SEMA6D: variants seen among roughly 807,000 people sequenced by gnomAD.
SEMA6D encodes the protein semaphorin 6D, also known as semaphorin-6D.
SEMA6D carries 35 observed loss-of-function variants against 106.6 expected under a neutral mutation model. That is an observed-to-expected ratio of 0.33 (90% CI 0.25 to 0.44). The LOEUF is 0.44. Among genes scored for constraint, SEMA6D ranks in the 20% least tolerant of loss-of-function variants. The pLI is 1.00. For synonymous variants in SEMA6D, 499 were observed against 487.7 expected, an observed-to-expected ratio of 1.02 and a Z score of -0.31; for missense variants, 1,185 against 1,345.9, an observed-to-expected ratio of 0.88 and a Z score of 1.87.
At chr15:47,256,592 G>A (rs1721374239) in intron 1 of SEMA6D, among the ~76,000 whole-genome samples, 1 of 152,184 alleles carries the variant, frequency 6.6e-6, no homozygotes, top group African/African-American at 2.4e-5. Flanking sequence ...CAGGTGTGGT[G>A]GCTCACACCT....
At chr15:47,661,492 G>A (rs1230594664) in intron 4 of SEMA6D, among the ~76,000 whole-genome samples, 1 of 152,214 alleles carries the variant, frequency 6.6e-6, no homozygotes, top group Non-Finnish European at 1.5e-5. Context: ...GTGAAGCTAT[G>A]GAAACTGCAT....
intron 1 of SEMA6D, among the ~76,000 whole-genome samples, chr15:47,740,925 C>G (rs561533527): frequency 1.3e-5 from 2 of 152,164 alleles, no homozygotes; most frequent in Non-Finnish European, 2.9e-5. Context: ...GAGGCAGGAT[C>G]CTTGCTAGCT....
chr15:47,639,234 A>G (rs2077447446), intron 4 of SEMA6D, among the ~76,000 whole-genome samples: 1 of 152,222 alleles, frequency 6.6e-6, no homozygotes, highest in Admixed American at 6.5e-5. Context: ...AAGTAAGGAA[A>G]TGCTCTAAAG....
At chr15:47,381,594 A>G (rs935296098) in intron 1 of SEMA6D, among the ~76,000 whole-genome samples, 3 of 152,168 alleles carry the variant, frequency 2.0e-5, no homozygotes, top group Non-Finnish European at 4.4e-5. Context: ...TAAAATTTCA[A>G]GATGGTCTAT....
intron 1 of SEMA6D, among the ~76,000 whole-genome samples, chr15:47,392,139 A>G (rs1486928696): frequency 6.6e-6 from 1 of 152,124 alleles, no homozygotes; most frequent in Admixed American, 6.5e-5. Flanking sequence ...TCCTCATCTG[A>G]AACATAGGGC....
chr15:47,402,878 A>G (rs2040442591), intron 1 of SEMA6D, among the ~76,000 whole-genome samples: 2 of 152,104 alleles, frequency 1.3e-5, no homozygotes, highest in Admixed American at 1.3e-4. Context: ...ACAAGCCAAC[A>G]ATTCCTGGGA....
At chr15:47,556,360 C>T (rs146442238) in intron 3 of SEMA6D, among the ~76,000 whole-genome samples, 1 of 152,004 alleles carries the variant, frequency 6.6e-6, no homozygotes, top group Non-Finnish European at 1.5e-5. Context: ...TCTGCTTTTT[C>T]CACTTAACAT....
intron 3 of SEMA6D, among the ~76,000 whole-genome samples, chr15:47,504,985 A>C (rs1275627792): frequency 6.6e-6 from 1 of 152,136 alleles, no homozygotes; most frequent in Admixed American, 6.5e-5. Flanking sequence ...CATTCCTGTC[A>C]TCTGAGCCTG....
At position 47,771,875 on chromosome 15, in the gene SEMA6D, C is replaced by T. The variant is rs1463660250; in HGVS notation, c.*90C>T. ...AGGGTACCTTAAAACAAGAGACTCG[C>T]TTGTATTTTAAGAGAACCAAGTGGC... On this transcript the variant is annotated 3_prime_UTR_variant, in exon 19 of 19. Coordinates refer to ENST00000536845, the MANE Select transcript of SEMA6D (RefSeq NM_001358351.3). The T allele has an allele frequency of 1.4e-5, 19 of 1,339,936 alleles. No homozygotes were observed. Among genetic ancestry groups the T allele is most frequent in the Non-Finnish European group, 1.9e-5 (19 of 974,740 alleles). The allele number at this position is 1,339,936 out of a possible 1,614,324, so 83.0% of individuals were successfully genotyped here.
chr15:47,290,495 AAAT>A (rs1371882390), intron 1 of SEMA6D, among the ~76,000 whole-genome samples: 1 of 152,142 alleles, frequency 6.6e-6, no homozygotes, highest in Non-Finnish European at 1.5e-5. Context: ...TTTTTTAATA[AAAT>A]AATAATCATT....
At chr15:47,768,899 G>T in intron 18 of SEMA6D, 151 bp downstream of exon 18, 2 of 640,672 alleles carry the variant, frequency 3.1e-6, no homozygotes, top group Admixed American at 2.9e-5. Flanking sequence ...CTGGCTTTCT[G>T]TGGTTATATC....
chr15:47,406,761 T>C (rs1384169487), intron 1 of SEMA6D, among the ~76,000 whole-genome samples: 1 of 141,930 alleles, frequency 7.0e-6, no homozygotes, highest in African/African-American at 2.6e-5. Context: ...GGAGTAGATC[T>C]CAAGTGTTCT....
chr15:47,765,174 TG>T (rs759803940), intron 13 of SEMA6D, 118 bp downstream of exon 13: 8 of 1,460,452 alleles, frequency 5.5e-6, no homozygotes, highest in Non-Finnish European at 7.2e-6. Context: ...AATAGTGTTT[TG>T]TGTTTTTTTT....
intron 17 of SEMA6D, 135 bp downstream of exon 17, chr15:47,767,228 G>T: frequency 1.8e-6 from 1 of 561,108 alleles, no homozygotes; most frequent in South Asian, 2.9e-5. Flanking sequence ...TCCCACTGAT[G>T]GTACCAAAAG....
At chr15:47,661,336 A>G (rs2077913795) in intron 4 of SEMA6D, among the ~76,000 whole-genome samples, 1 of 152,216 alleles carries the variant, frequency 6.6e-6, no homozygotes, top group Admixed American at 6.5e-5. Context: ...GATGATGCAA[A>G]TAACTGATGA....
chr15:47,239,574 G>T (rs949203232), intron 1 of SEMA6D, among the ~76,000 whole-genome samples: 4 of 152,280 alleles, frequency 2.6e-5, no homozygotes, highest in East Asian at 1.9e-4. Context: ...GATCTGGAAA[G>T]AATATGGGCT....
chr15:47,740,905 A>C (rs1024291770), intron 1 of SEMA6D, among the ~76,000 whole-genome samples: 6 of 152,176 alleles, frequency 3.9e-5, no homozygotes, highest in African/African-American at 1.4e-4. Flanking sequence ...ACCAATACTT[A>C]AGATTTAGGG....
chr15:47,427,853 A>G (rs560383867), intron 2 of SEMA6D, among the ~76,000 whole-genome samples: 1 of 152,212 alleles, frequency 6.6e-6, no homozygotes, highest in Non-Finnish European at 1.5e-5. Flanking sequence ...ATCCTATTGG[A>G]ACCCTTCTTG....
chr15:47,391,021 C>T (rs1024286338), intron 1 of SEMA6D, among the ~76,000 whole-genome samples: 8 of 152,300 alleles, frequency 5.3e-5, no homozygotes, highest in Non-Finnish European at 8.8e-5. Flanking sequence ...CCAGTATGAG[C>T]TTTCCTTCCT....
Sources: allele counts gnomAD v4.1 joint callset (sites outside exome capture counted in the v4.1 genomes callset), GRCh38; gene constraint gnomAD v4.1.1; transcripts MANE v1.5; gene names NCBI Gene and HGNC (gene_info 2026-07-23, HGNC 2026-07-21).